ITPR2: variants seen among roughly 807,000 people sequenced by gnomAD.
ITPR2 encodes inositol 1,4,5-trisphosphate receptor type 2.
A neutral mutation model predicts 317.1 loss-of-function variants in ITPR2; 207 were observed. The ratio of observed to expected loss-of-function variants is 0.65; its 90% CI spans 0.58 to 0.73. ITPR2 has a LOEUF of 0.73. ITPR2 is among the 30% of genes least tolerant of loss of function. ITPR2 has a pLI of 0.00. For synonymous variants in ITPR2, 1,156 were observed against 1,149.1 expected (o/e 1.01, Z -0.12); for missense variants, 2,613 against 3,284.0 (o/e 0.80, Z 4.99).
chr12:26,520,339 A>G (rs76985247), intron 37 of ITPR2, among the ~76,000 whole-genome samples: 2,939 of 152,220 alleles, frequency 0.019, 54 homozygotes, highest in African/African-American at 0.046. Context: ...TCCAGGAAGG[A>G]AGAAGAGACT....
intron 1 of ITPR2, among the ~76,000 whole-genome samples, chr12:26,830,845 T>C (rs1480898748): frequency 2.6e-5 from 4 of 152,224 alleles, no homozygotes; most frequent in Admixed American, 2.0e-4. Flanking sequence ...GTGCTTATAC[T>C]GTGCCAGGTA....
At position 26,724,648 on chromosome 12, in the gene ITPR2, A is replaced by G. The variant is rs1565719513; in HGVS notation, c.366+8T>C. The G allele has an allele frequency of 2.0e-6, 3 of 1,518,178 alleles. No individual in the cohort carries two copies. In the South Asian group the frequency reaches 3.4e-5, roughly 17 times the overall value. 94.0% of individuals were successfully genotyped at this position (1,518,178 alleles called of 1,614,324 possible). A position where few individuals can be genotyped will look rare whatever the true frequency, so the allele number is the denominator to read the frequency against. On this transcript the variant is annotated splice_region_variant and intron_variant, in intron 4 of 56. Transcript: ENST00000381340. The stretch of plus-strand genomic sequence containing the variant: ...AAATACTCACCTCGTTTAAGAGAAA[A>G]TACTTACTTGTATAACATTACTGTA...
chr12:26,799,743 T>C (rs2137237020), intron 1 of ITPR2, among the ~76,000 whole-genome samples: 1 of 152,316 alleles, frequency 6.6e-6, no homozygotes, highest in South Asian at 2.1e-4. Flanking sequence ...TTATTGCAAG[T>C]CAGTTTGTGA....
chr12:26,431,335 G>A (rs997129661), intron 48 of ITPR2, among the ~76,000 whole-genome samples: 1 of 152,112 alleles, frequency 6.6e-6, no homozygotes, highest in South Asian at 2.1e-4. Context: ...TCCTGGGTAG[G>A]GATATCTGGC....
At chr12:26,383,135 C>G (rs1939558120) in intron 55 of ITPR2, among the ~76,000 whole-genome samples, 1 of 152,120 alleles carries the variant, frequency 6.6e-6, no homozygotes, top group Admixed American at 6.5e-5. Flanking sequence ...AGACTTCCCT[C>G]CCCTCTCTCT....
intron 2 of ITPR2, among the ~76,000 whole-genome samples, chr12:26,768,697 G>A (rs1300496293): frequency 7.3e-5 from 11 of 151,254 alleles, no homozygotes; most frequent in Admixed American, 6.6e-4. Flanking sequence ...CCACATCTGG[G>A]TCCTTAATTA....
chr12:26,749,950 G>A (rs569768682), intron 2 of ITPR2, among the ~76,000 whole-genome samples: 26 of 152,052 alleles, frequency 1.7e-4, no homozygotes, highest in Non-Finnish European at 3.1e-4. Context: ...AGCCAGAATT[G>A]AAAAACCCAC....
chr12:26,655,987 T>A, intron 19 of ITPR2, 135 bp from the exon 20 acceptor site: 1 of 849,406 alleles, frequency 1.2e-6, no homozygotes, highest in Non-Finnish European at 1.8e-6. Context: ...TCCTCATCTG[T>A]AAAATGGGGC....
intron 45 of ITPR2, among the ~76,000 whole-genome samples, chr12:26,446,589 T>C (rs1449632315): frequency 6.6e-6 from 1 of 152,034 alleles, no homozygotes; most frequent in Admixed American, 6.6e-5. Flanking sequence ...TGAACAAACC[T>C]ATACAAATCA....
chr12:26,713,969 C>T (rs1400753513), intron 8 of ITPR2, among the ~76,000 whole-genome samples: 1 of 152,168 alleles, frequency 6.6e-6, no homozygotes, highest in South Asian at 2.1e-4. Context: ...TTCCCCAGAG[C>T]TTCTCAGTTC....
At chr12:26,696,011 A>G (rs553913340) in intron 9 of ITPR2, among the ~76,000 whole-genome samples, 1 of 152,104 alleles carries the variant, frequency 6.6e-6, no homozygotes, top group East Asian at 2.0e-4. Flanking sequence ...AACAAAAAAA[A>G]CCAGTGGGAC....
intron 37 of ITPR2, among the ~76,000 whole-genome samples, chr12:26,517,837 CAAACA>C (rs145030888): frequency 0.039 from 5,969 of 152,044 alleles, 286 homozygotes; most frequent in African/African-American, 0.12. Context: ...GACTCTGTAT[CAAACA>C]AAACAAAACA....
At chr12:26,671,077 T>G (rs1947758401) in intron 13 of ITPR2, among the ~76,000 whole-genome samples, 2 of 152,128 alleles carry the variant, frequency 1.3e-5, no homozygotes. Context: ...GTCTGATTGG[T>G]GTACCTGAAA....
rs372884771 is a variant in ITPR2 at position 26,749,009 on chromosome 12, G to A, written c.164-23244C>T. Reference sequence around the variant, plus strand: ...GGGAAATCATACCTTTTATGTATGTGTTAAATGACTAAACGAAGTGAGATT... The same window carrying A: ...GGGAAATCATACCTTTTATGTATGTATTAAATGACTAAACGAAGTGAGATT... On this transcript the variant is annotated intron_variant, in intron 2 of 56. Coordinates refer to ENST00000381340, the MANE Select transcript of ITPR2 (RefSeq NM_002223.4). Among the ~76,000 whole-genome samples, 3 of 152,304 alleles carry A rather than the reference G, an allele frequency of 2.0e-5. No homozygotes were observed. The South Asian group carries it at 6.2e-4, about 32-fold the overall frequency.
chr12:26,765,926 T>G (rs1249380393), intron 2 of ITPR2, among the ~76,000 whole-genome samples: 2 of 152,178 alleles, frequency 1.3e-5, no homozygotes, highest in African/African-American at 4.8e-5. Context: ...TTATTTCACT[T>G]AGCATAATAT....
chr12:26,349,909 G>A (rs181887971), intron 55 of ITPR2, among the ~76,000 whole-genome samples: 85 of 152,292 alleles, frequency 5.6e-4, no homozygotes, highest in African/African-American at 1.8e-3. Flanking sequence ...ATGACTTCAC[G>A]GGACTCCTAA....
intron 45 of ITPR2, among the ~76,000 whole-genome samples, chr12:26,454,057 T>A (rs1467205620): frequency 6.6e-6 from 1 of 152,160 alleles, no homozygotes; most frequent in East Asian, 1.9e-4. Context: ...GATGGATGGA[T>A]GGATGGCATA....
At chr12:26,383,671 T>C (rs2136622258) in intron 55 of ITPR2, among the ~76,000 whole-genome samples, 1 of 144,754 alleles carries the variant, frequency 6.9e-6, no homozygotes, top group East Asian at 2.0e-4. Context: ...TTTTTTTTGG[T>C]ATTTTTAATA....
chr12:26,454,356 C>T (rs374685224), intron 45 of ITPR2, among the ~76,000 whole-genome samples: 10 of 152,050 alleles, frequency 6.6e-5, no homozygotes, highest in African/African-American at 2.4e-4. Context: ...AAGCACGCAC[C>T]ACCATGACCA....
Sources: allele counts gnomAD v4.1 joint callset (sites outside exome capture counted in the v4.1 genomes callset), GRCh38; gene constraint gnomAD v4.1.1; transcripts MANE v1.5; gene names NCBI Gene and HGNC (gene_info 2026-07-23, HGNC 2026-07-21).